The following RIPK2 variants were observed in gnomAD, a reference collection of about 807,000 sequenced individuals.
RIPK2 encodes the protein receptor-interacting serine/threonine-protein kinase 2.
RIPK2 carries 38 observed loss-of-function variants against 60.9 expected under a neutral mutation model. The observed-to-expected ratio is 0.62, with a 90% CI of 0.48 to 0.82. The LOEUF is 0.82. RIPK2 is among the 40% of genes least tolerant of loss of function. The pLI, the probability that RIPK2 is intolerant of heterozygous loss-of-function variation, is 0.00. For synonymous variants in RIPK2, 225 were observed against 223.4 expected, an observed-to-expected ratio of 1.01 and a Z score of -0.06; for missense variants, 518 against 647.0, an observed-to-expected ratio of 0.80 and a Z score of 2.16.
Position 89,757,906 on chromosome 8 carries a change from A to C in RIPK2, c.-155A>C, listed in dbSNP as rs1338408834. 3.7e-5 allele frequency: 51 copies of C among 1,380,136 alleles called. No individual in the cohort carries two copies. The East Asian group carries it at 1.4e-3, about 38-fold the overall frequency. The allele number at this position is 1,380,136 out of a possible 1,614,324, so 85.5% of individuals were successfully genotyped here. A position where few individuals can be genotyped will look rare whatever the true frequency, so the allele number is the denominator to read the frequency against. On this transcript the variant is annotated 5_prime_UTR_variant, in exon 1 of 11. Coordinates refer to ENST00000220751, the MANE Select transcript of RIPK2 (RefSeq NM_003821.6). Reference sequence around the variant, plus strand: ...AGCGGCTGGCGTGGGCCATCCGGGGAATGGGCGCCCTCGTGACCTAGTGTT... The same window carrying C: ...AGCGGCTGGCGTGGGCCATCCGGGGCATGGGCGCCCTCGTGACCTAGTGTT...
In RIPK2 at chr8:89,786,625, T is replaced by C. The variant is rs759961470; in HGVS notation, c.1062T>C (p.Asn354=). ...GTGGATCCTCTCAGCTCCATGAAAA[T>C]AGTGGTTCTCCTGAAACTTCAAGGT... The part of the protein sequence containing the change: ...ESCGSSQLHE[N]SGSPETSRSL... The change falls in exon 9 of 11, where the codon AAT becomes AAC. Residue 354 remains asparagine (N), a synonymous_variant. Coordinates refer to ENST00000220751, the MANE Select transcript of RIPK2 (RefSeq NM_003821.6). 1.2e-5 allele frequency: 20 copies of C among 1,601,060 alleles called. No homozygotes were observed. In the Admixed American group the frequency reaches 2.7e-4, roughly 22 times the overall value.
intron 6 of RIPK2, among the ~76,000 whole-genome samples, chr8:89,776,030 C>T (rs1244839527): frequency 6.6e-6 from 1 of 152,170 alleles, no homozygotes; most frequent in Admixed American, 6.5e-5. Flanking sequence ...TTTACCCCTA[C>T]AGTTGATAGC....
At chr8:89,767,113 A>C (rs1809241834) in intron 3 of RIPK2, among the ~76,000 whole-genome samples, 1 of 151,610 alleles carries the variant, frequency 6.6e-6, no homozygotes, top group African/African-American at 2.4e-5. Flanking sequence ...ATCTTCTGTA[A>C]GTTTTATAGT....
intron 1 of RIPK2, 34 bp from the exon 2 acceptor site, chr8:89,762,795 A>G (rs1420466619): frequency 8.5e-7 from 1 of 1,181,840 alleles, no homozygotes; most frequent in Admixed American, 2.7e-5. Flanking sequence ...ATATTTTTTT[A>G]TTACTTGAAT....
chr8:89,776,166 G>C (rs940183671), intron 6 of RIPK2, among the ~76,000 whole-genome samples: 1 of 152,114 alleles, frequency 6.6e-6, no homozygotes, highest in African/African-American at 2.4e-5. Context: ...AGCATGCTTA[G>C]TTTTTCTCCA....
At position 89,762,815 on chromosome 8, in the gene RIPK2, T is replaced by A; in HGVS notation, c.174-14T>A. The A allele has an allele frequency of 8.0e-7, 1 of 1,253,640 alleles. No homozygotes were observed. Among genetic ancestry groups the A allele is most frequent in the African/African-American group, 1.5e-5 (1 of 65,614 alleles). 77.7% of individuals were successfully genotyped at this position (1,253,640 alleles called of 1,614,324 possible). A position where few individuals can be genotyped will look rare whatever the true frequency, so the allele number is the denominator to read the frequency against. Reference sequence around the variant, plus strand: ...TTTTTATTACTTGAATAATTATGCATTTTTTTTTCTTAGTGAAAGAAAGGA... The same window carrying A: ...TTTTTATTACTTGAATAATTATGCAATTTTTTTTCTTAGTGAAAGAAAGGA... On this transcript the variant is annotated splice_polypyrimidine_tract_variant and intron_variant, in intron 1 of 10. Transcript: ENST00000220751.
intron 3 of RIPK2, among the ~76,000 whole-genome samples, chr8:89,769,167 G>A (rs557877604): frequency 3.3e-5 from 5 of 151,770 alleles, no homozygotes; most frequent in Non-Finnish European, 5.9e-5. Flanking sequence ...AATTCTTTAG[G>A]CACCCATTGT....
chr8:89,762,860 AT>A lies in RIPK2; in HGVS notation c.209del (p.Leu70TyrfsTer24). ...ERKDVLREAE[I>X]LHKARFSYIL... is the part of the protein sequence containing the mutation. Reference sequence around the variant, plus strand: ...AAAGGATGTCTTAAGAGAAGCTGAAATTTTACACAAAGCTAGATTTAGTTAC... The same window carrying A: ...AAAGGATGTCTTAAGAGAAGCTGAAATTTACACAAAGCTAGATTTAGTTAC... On this transcript the variant is annotated frameshift_variant, in exon 2 of 11. Coordinates refer to ENST00000220751, the MANE Select transcript of RIPK2 (RefSeq NM_003821.6). LOFTEE classifies it high-confidence loss of function. The A allele has an allele frequency of 6.7e-7, 1 of 1,496,368 alleles. No individual in the cohort carries two copies. Among genetic ancestry groups the A allele is most frequent in the Non-Finnish European group, 9.0e-7 (1 of 1,111,230 alleles). The allele number at this position is 1,496,368 out of a possible 1,614,324, so 92.7% of individuals were successfully genotyped here. A position where few individuals can be genotyped will look rare whatever the true frequency, so the allele number is the denominator to read the frequency against.
intron 8 of RIPK2, 102 bp downstream of exon 8, chr8:89,784,241 C>A (rs1809549015): frequency 1.5e-6 from 1 of 676,882 alleles, no homozygotes; most frequent in Non-Finnish European, 2.3e-6. Flanking sequence ...AGAAGGAAAA[C>A]TAAAGCCCAG....
rs767085049 is a variant in RIPK2, at chr8:89,772,787, G to T, written c.812G>T (p.Ser271Ile). 1.2e-6 allele frequency: 2 copies of T among 1,608,600 alleles called. No individual in the cohort carries two copies. Among genetic ancestry groups the T allele is most frequent in the Admixed American group, 3.4e-5 (2 of 59,150 alleles). The change falls in exon 6 of 11, where the codon AGT becomes ATT. Residue 271 changes from serine (S) to isoleucine (I), a missense_variant. Physicochemically the swap from Ser to Ile is moderately radical, Grantham distance 142 (BLOSUM62 -2). This residue lies in a region of RIPK2 where 448 missense variants were observed against 534.7 expected (regional missense o/e 0.84). Transcript: ENST00000220751. ...HRARMISLIE[S>I]GWAQNPDERP... Reference sequence around the variant, plus strand: ...GCACGTATGATCTCTCTAATAGAAAGTGGATGGGCACAAAATCCAGATGAA... The same window carrying T: ...GCACGTATGATCTCTCTAATAGAAATTGGATGGGCACAAAATCCAGATGAA...
intron 7 of RIPK2, among the ~76,000 whole-genome samples, chr8:89,782,915 T>C (rs1239412113): frequency 6.6e-6 from 1 of 152,220 alleles, no homozygotes; most frequent in East Asian, 1.9e-4. Flanking sequence ...TATTGCATTA[T>C]CAGAAATGTT....
chr8:89,761,966 G>A (rs1276261554), intron 1 of RIPK2, among the ~76,000 whole-genome samples: 4 of 151,716 alleles, frequency 2.6e-5, no homozygotes, highest in Admixed American at 1.3e-4. Context: ...CCTATTGGAC[G>A]TCTGATACAA....
chr8:89,789,587 T>G, intron 10 of RIPK2, 105 bp downstream of exon 10: 1 of 1,058,634 alleles, frequency 9.4e-7, no homozygotes, highest in Non-Finnish European at 1.4e-6. Flanking sequence ...TTCCTCAATA[T>G]GATAAATACA....
chr8:89,786,427 T>G (rs1322346988), intron 8 of RIPK2, among the ~76,000 whole-genome samples, 166 bp from the exon 9 acceptor site: 2 of 151,990 alleles, frequency 1.3e-5, no homozygotes, highest in Non-Finnish European at 2.9e-5. Flanking sequence ...TGAGCCTAGG[T>G]TGTGCCACTG....
At chr8:89,788,794 C>G (rs1230806360) in intron 9 of RIPK2, among the ~76,000 whole-genome samples, 2 of 139,446 alleles carry the variant, frequency 1.4e-5, no homozygotes, top group African/African-American at 5.3e-5. Flanking sequence ...GAGAGAGAGA[C>G]AGAGAGAGAG....
intron 6 of RIPK2, among the ~76,000 whole-genome samples, chr8:89,774,337 G>A (rs1261571722): frequency 6.6e-6 from 1 of 152,088 alleles, no homozygotes; most frequent in Non-Finnish European, 1.5e-5. Context: ...AATTAAAACT[G>A]CAATGAGTTA....
At position 89,789,362 on chromosome 8, in the gene RIPK2, C is replaced by T. The variant is rs752638518; in HGVS notation, c.1165C>T (p.Pro389Ser). 6.2e-7 allele frequency: 1 copy of T among 1,614,030 alleles called. No individual in the cohort carries two copies. Among genetic ancestry groups the T allele is most frequent in the Non-Finnish European group, 8.5e-7 (1 of 1,179,952 alleles). ...TTATTTTATGAAGCTGCATCACTGTCCTGGAAATCACAGTTGGGATAGCAC... is the reference window on the plus strand; with the variant it reads ...TTATTTTATGAAGCTGCATCACTGTTCTGGAAATCACAGTTGGGATAGCAC... Reference protein sequence around the residue: ...DCYFMKLHHCPGNHSWDSTIS... With the variant: ...DCYFMKLHHCSGNHSWDSTIS... Residue 389 changes from proline (P) to serine (S), a missense_variant, in exon 10 of 11, where the codon CCT (proline) becomes TCT (serine). Physicochemically the swap from Pro to Ser is moderately conservative, Grantham distance 74. This residue lies in a region of RIPK2 where 448 missense variants were observed against 534.7 expected (regional missense o/e 0.84). Transcript: ENST00000220751.
rs773549878 is a variant in RIPK2 at position 89,769,796 on chromosome 8, T to C, written c.508T>C (p.Trp170Arg). ...VKIADFGLSK[W>R]RMMSLSQSRS... The stretch of plus-strand genomic sequence containing the variant: ...GATTGCAGATTTTGGTTTATCAAAG[T>C]GGCGCATGATGTCCCTCTCACAGTC... The change falls in exon 4 of 11, where the codon TGG becomes CGG. Residue 170 changes from tryptophan to arginine, a missense_variant. By Grantham distance (101) the Trp-to-Arg change is moderately radical. This residue lies in a region of RIPK2 where 448 missense variants were observed against 534.7 expected (regional missense o/e 0.84). Coordinates refer to ENST00000220751, the MANE Select transcript of RIPK2 (RefSeq NM_003821.6). 5 of 1,602,002 alleles carry C rather than the reference T, an allele frequency of 3.1e-6. No homozygotes were observed. In the Admixed American group the frequency reaches 8.7e-5, roughly 28 times the overall value.
intron 3 of RIPK2, 39 bp downstream of exon 3, chr8:89,765,535 T>C (rs200959533): frequency 1.5e-5 from 20 of 1,362,662 alleles, no homozygotes; most frequent in Admixed American, 4.0e-5. Flanking sequence ...TCCTTGTCCT[T>C]ATAGTTTTAA....
Sources: gnomAD v4.1 joint callset for allele counts (sites outside exome capture counted in the v4.1 genomes callset) on GRCh38, gnomAD v4.1.1 for gene constraint, gnomAD v4.1.1 regional missense constraint, MANE v1.5 for transcripts, NCBI Gene and HGNC (gene_info 2026-07-23, HGNC 2026-07-21) for gene names.